The following FGF13 variants were observed in gnomAD, a reference collection of about 807,000 sequenced individuals.
The protein encoded by FGF13 is fibroblast growth factor homologous factor 2.
A neutral mutation model predicts 19.5 loss-of-function variants in FGF13; 2 were observed. That is an observed-to-expected ratio of 0.10 (90% confidence interval 0.04 to 0.32). The LOEUF is 0.32. Ranked by LOEUF, FGF13 falls within the 10% of genes least tolerant of loss-of-function variation. The pLI is 1.00. For missense variants in FGF13, 113 were observed against 192.7 expected (o/e 0.59, Z 2.45); for synonymous variants, 72 against 76.9 (o/e 0.94, Z 0.33).
chrX:138,868,421 CAT>C, intron 1 of FGF13, among the ~76,000 whole-genome samples: 4 of 110,575 alleles, frequency 3.6e-5, no homozygotes, highest in Middle Eastern at 4.7e-3. Context: ...TGAGGCTGGA[CAT>C]ATGTCTTTGA....
intron 1 of FGF13, among the ~76,000 whole-genome samples, chrX:138,873,953 T>C (rs888968686): frequency 1.2e-5 from 1 of 85,144 alleles, no homozygotes; most frequent in Non-Finnish European, 2.1e-5. Flanking sequence ...AATTGAACAA[T>C]GAGGACACTT....
At chrX:138,714,188 T>G (rs1435584266), upstream of FGF13, 1 of 111,671 alleles carries the variant, frequency 9.0e-6, no homozygotes, top group Non-Finnish European at 1.9e-5. Context: ...CATCTCTCTG[T>G]GATCTGTCTG....
At chrX:138,944,562 T>C (rs2124277845) in intron 1 of FGF13, among the ~76,000 whole-genome samples, 1 of 110,767 alleles carries the variant, frequency 9.0e-6, no homozygotes, top group South Asian at 3.9e-4. Flanking sequence ...ATTTGTTTAG[T>C]AGGCCTGATA....
chrX:138,700,951 A>C (rs2089940444), intron 3 of FGF13, among the ~76,000 whole-genome samples: 1 of 112,033 alleles, frequency 8.9e-6, no homozygotes, highest in Admixed American at 9.5e-5. Context: ...TGGAATAATG[A>C]TTAATTTGAA....
At chrX:139,039,345 T>C (rs781122364) in intron 1 of FGF13, among the ~76,000 whole-genome samples, 1 of 111,930 alleles carries the variant, frequency 8.9e-6, no homozygotes, top group South Asian at 3.7e-4. Flanking sequence ...CCCTTTCCTT[T>C]GCATCAAGAT....
At position 139,166,313 on chromosome X, in the gene FGF13, C is replaced by T. The variant is rs777751090; in HGVS notation, c.-113+37103G>A. ...AAGGGGTTTCCCCCTTTGCTTGGTT[C>T]TCGTTTTTCTCTCTCTAGCTGCCAT... On this transcript the variant is annotated intron_variant, in intron 1 of 2. Transcript: ENST00000421460. 3.6e-5 allele frequency among the ~76,000 whole-genome samples: 4 copies of T among 111,308 alleles called. No homozygotes were observed. In the East Asian group the frequency reaches 1.1e-3, roughly 32 times the overall value.
At position 138,722,111 on chromosome X, in the gene FGF13, T is replaced by C. The variant is rs774113481; in HGVS notation, c.29-13183A>G. Reference sequence around the variant, plus strand: ...AAATTGAAACACAAATAAAGAAACATGAGAGTGAACGACCAAGAGTCAGAT... The same window carrying C: ...AAATTGAAACACAAATAAAGAAACACGAGAGTGAACGACCAAGAGTCAGAT... On this transcript the variant is annotated intron_variant, in intron 1 of 4. Transcript: ENST00000305414. 7.2e-5 allele frequency among the ~76,000 whole-genome samples: 8 copies of C among 111,552 alleles called. No homozygotes were observed. The South Asian group carries it at 3.0e-3, about 42-fold the overall frequency.
intron 3 of FGF13, among the ~76,000 whole-genome samples, chrX:138,808,458 T>A (rs1433875484): frequency 9.0e-6 from 1 of 111,673 alleles, no homozygotes; most frequent in African/African-American, 3.3e-5. Flanking sequence ...AGAGGGAAAT[T>A]TAGAGCACTA....
rs2088962584 is a variant in FGF13, at chrX:138,615,784, A to T, written c.*17066T>A. 8.9e-6 allele frequency: 1 copy of T among 111,885 alleles called. No individual in the cohort carries two copies. The highest frequency in any genetic ancestry group is 1.9e-5 in the Non-Finnish European group (1 of 53,225). 9.2% of individuals were successfully genotyped at this position (111,885 alleles called of 1,213,427 possible). A position where few individuals can be genotyped will look rare whatever the true frequency, so the allele number is the denominator to read the frequency against. On this transcript the variant is annotated 3_prime_UTR_variant, in exon 5 of 5. Transcript: ENST00000315930. ...AAGGAAAGAGTTTTAACTGACTCAC[A>T]GTTCCGCATGGCTTCGGAGGCCTCA...
At chrX:139,014,228 A>T (rs899258174) in intron 1 of FGF13, among the ~76,000 whole-genome samples, 1 of 111,505 alleles carries the variant, frequency 9.0e-6, no homozygotes, top group African/African-American at 3.3e-5. Flanking sequence ...CAAACACAAA[A>T]CTAGTGGAAT....
At chrX:138,925,197 G>A (rs1331808763) in intron 1 of FGF13, among the ~76,000 whole-genome samples, 2 of 111,845 alleles carry the variant, frequency 1.8e-5, no homozygotes, top group African/African-American at 6.5e-5. Flanking sequence ...CAAAGCAGAT[G>A]TTGGTAGCCC....
chrX:138,784,857 C>G (rs888443929), intron 3 of FGF13, among the ~76,000 whole-genome samples: 1 of 111,919 alleles, frequency 8.9e-6, no homozygotes, highest in Non-Finnish European at 1.9e-5. Flanking sequence ...AAAGCCCCAA[C>G]TCTAGTTAAC....
intron 1 of FGF13, among the ~76,000 whole-genome samples, chrX:139,168,372 T>A (rs933982056): frequency 8.9e-6 from 1 of 111,770 alleles, no homozygotes; most frequent in South Asian, 3.7e-4. Context: ...ATCATTTTTT[T>A]ATTTTACAAC....
intron 1 of FGF13, among the ~76,000 whole-genome samples, chrX:139,029,843 C>T (rs191453787): frequency 5.5e-4 from 62 of 111,887 alleles, no homozygotes; most frequent in African/African-American, 1.8e-3. Context: ...TGATACTGCA[C>T]AGAATCTCAA....
intron 1 of FGF13, among the ~76,000 whole-genome samples, chrX:138,958,303 G>T (rs892981911): frequency 8.9e-6 from 1 of 111,742 alleles, no homozygotes; most frequent in South Asian, 3.8e-4. Context: ...TTTGTCTTTG[G>T]TTCTGTTTAT....
chrX:138,899,815 C>T (rs1170807615), intron 1 of FGF13, among the ~76,000 whole-genome samples: 1 of 75,285 alleles, frequency 1.3e-5, no homozygotes, highest in East Asian at 4.5e-4. Flanking sequence ...ATAACTAGTT[C>T]CCACCGCCCT....
chrX:139,166,335 C>T (rs1428932646), intron 1 of FGF13, among the ~76,000 whole-genome samples: 1 of 111,372 alleles, frequency 9.0e-6, no homozygotes, highest in Non-Finnish European at 1.9e-5. Context: ...TCTCTAGCTG[C>T]CATGTGAAGA....
rs2089072771 is a variant in FGF13 at position 138,627,463 on chromosome X, T to G, written c.*5387A>C. 9.0e-6 allele frequency: 1 copy of G among 110,589 alleles called. No homozygotes were observed. Among genetic ancestry groups the G allele is most frequent in the Non-Finnish European group, 1.9e-5 (1 of 52,968 alleles). 9.1% of individuals were successfully genotyped at this position (110,589 alleles called of 1,213,427 possible). A position where few individuals can be genotyped will look rare whatever the true frequency, so the allele number is the denominator to read the frequency against. ...TGTGTGTCATAGCTGAAAGGATAGC[T>G]TCTGAAGCCAGAGAGCCACATGGAT... On this transcript the variant is annotated 3_prime_UTR_variant, in exon 5 of 5. Coordinates refer to ENST00000315930, the MANE Select transcript of FGF13 (RefSeq NM_004114.5).
intron 3 of FGF13, among the ~76,000 whole-genome samples, chrX:138,697,798 C>T (rs1333055809): frequency 9.0e-6 from 1 of 111,206 alleles, no homozygotes; most frequent in African/African-American, 3.3e-5. Flanking sequence ...TTAAAGTAGA[C>T]ATAGAACGGG....
Sources: gnomAD v4.1 joint callset for allele counts (sites outside exome capture counted in the v4.1 genomes callset) on GRCh38, gnomAD v4.1.1 for gene constraint, MANE v1.5 for transcripts, NCBI Gene and HGNC (gene_info 2026-07-23, HGNC 2026-07-21) for gene names.